Variants in STAU2 observed in about 807,000 individuals in gnomAD.
STAU2 encodes the protein double-stranded RNA-binding protein Staufen homolog 2.
A neutral mutation model predicts 65.9 loss-of-function variants in STAU2; 20 were observed. The observed-to-expected ratio is 0.30, with a 90% CI of 0.21 to 0.44. The LOEUF is 0.44. STAU2 is among the 20% of genes least tolerant of loss of function. The pLI is 1.00. For synonymous variants in STAU2, 232 were observed against 233.9 expected, an observed-to-expected ratio of 0.99 and a Z score of 0.07; for missense variants, 558 against 683.9, an observed-to-expected ratio of 0.82 and a Z score of 2.05.
chr8:73,565,556 C>T (rs1808541297), intron 12 of STAU2, among the ~76,000 whole-genome samples: 1 of 152,052 alleles, frequency 6.6e-6, no homozygotes, highest in Admixed American at 6.6e-5. Context: ...GTGAGCCCAC[C>T]ATATTTGTTA....
At chr8:73,738,735 A>G (rs1462041755) in intron 2 of STAU2, among the ~76,000 whole-genome samples, 2 of 152,278 alleles carry the variant, frequency 1.3e-5, no homozygotes, top group East Asian at 3.9e-4. Context: ...TGAGAGTTTC[A>G]GGTTAATATT....
intron 1 of STAU2, among the ~76,000 whole-genome samples, chr8:73,746,243 G>A (rs1439872141): frequency 6.6e-6 from 1 of 151,466 alleles, no homozygotes; most frequent in South Asian, 2.1e-4. Flanking sequence ...GGCGCGCCCC[G>A]GCCCCGCCGC....
At chr8:73,603,644 C>A in intron 10 of STAU2, 82 bp downstream of exon 10, 1 of 1,518,404 alleles carries the variant, frequency 6.6e-7, no homozygotes, top group Non-Finnish European at 8.8e-7. Flanking sequence ...GCTCTTAAGT[C>A]CTAGTTTGCC....
chr8:73,433,184 A>G (rs1027959365), intron 13 of STAU2, among the ~76,000 whole-genome samples: 3 of 151,942 alleles, frequency 2.0e-5, no homozygotes, highest in Non-Finnish European at 2.9e-5. Context: ...TTCCTTTTCA[A>G]ATTCCTGGGT....
At chr8:73,555,818 C>T (rs976037210) in intron 12 of STAU2, among the ~76,000 whole-genome samples, 8 of 152,088 alleles carry the variant, frequency 5.3e-5, no homozygotes, top group African/African-American at 1.2e-4. Flanking sequence ...CAATTCTTCA[C>T]GGATATCAAG....
At chr8:73,686,568 G>A (rs1174633055) in intron 5 of STAU2, among the ~76,000 whole-genome samples, 4 of 149,174 alleles carry the variant, frequency 2.7e-5, no homozygotes, top group African/African-American at 9.9e-5. Flanking sequence ...AAAAAACAAT[G>A]GATTTTGGGG....
At chr8:73,573,318 G>C (rs890053426) in intron 12 of STAU2, among the ~76,000 whole-genome samples, 16 of 152,114 alleles carry the variant, frequency 1.1e-4, no homozygotes, top group African/African-American at 2.9e-4. Context: ...GTGAAAATGG[G>C]CATACTGCCC....
At chr8:73,584,533 T>G (rs1247927100) in intron 11 of STAU2, among the ~76,000 whole-genome samples, 1 of 152,224 alleles carries the variant, frequency 6.6e-6, no homozygotes, top group Non-Finnish European at 1.5e-5. Context: ...GTTCCTGTAA[T>G]TACTCTAAGG....
At chr8:73,658,092 G>T (rs139197512) in intron 6 of STAU2, among the ~76,000 whole-genome samples, 1 of 149,298 alleles carries the variant, frequency 6.7e-6, no homozygotes, top group African/African-American at 2.5e-5. Flanking sequence ...GACTGGGCAC[G>T]GTGGCTCACG....
intron 13 of STAU2, among the ~76,000 whole-genome samples, chr8:73,518,169 T>A (rs1822843959): frequency 6.6e-6 from 1 of 152,250 alleles, no homozygotes; most frequent in Admixed American, 6.5e-5. Context: ...GACTTATTTA[T>A]TATTCCTTCA....
intron 13 of STAU2, chr8:73,550,163 T>C (rs1245022244): frequency 1.0e-6 from 1 of 985,206 alleles, no homozygotes; most frequent in Non-Finnish European, 1.2e-6. Flanking sequence ...TATTTTAAAA[T>C]CACCTGTTTA....
At chr8:73,630,204 C>G (rs1813984002) in intron 6 of STAU2, among the ~76,000 whole-genome samples, 1 of 152,192 alleles carries the variant, frequency 6.6e-6, no homozygotes, top group Admixed American at 6.5e-5. Context: ...TTTCAATTAC[C>G]TATGCTCTCC....
chr8:73,549,993 A>G (rs1406646489), intron 13 of STAU2: 2 of 985,632 alleles, frequency 2.0e-6, no homozygotes, highest in Non-Finnish European at 1.2e-6. Flanking sequence ...TTTAACCACA[A>G]AGAACCTTCT....
At chr8:73,684,441 C>T (rs1040148800) in intron 5 of STAU2, among the ~76,000 whole-genome samples, 1 of 152,160 alleles carries the variant, frequency 6.6e-6, no homozygotes, top group Non-Finnish European at 1.5e-5. Context: ...TCATCTCTCA[C>T]TTGATATAAA....
At chr8:73,564,909 CGTGT>C (rs796136065) in intron 12 of STAU2, among the ~76,000 whole-genome samples, 30 of 151,388 alleles carry the variant, frequency 2.0e-4, no homozygotes, top group African/African-American at 5.3e-4. Flanking sequence ...GTATGGGTGT[CGTGT>C]GTGTGTGTGT....
At chr8:73,567,171 C>T (rs2128952808) in intron 12 of STAU2, among the ~76,000 whole-genome samples, 1 of 152,156 alleles carries the variant, frequency 6.6e-6, no homozygotes, top group East Asian at 1.9e-4. Context: ...AAATACTGAG[C>T]ACCAACAATG....
At chr8:73,581,162 A>C (rs1809948544) in intron 12 of STAU2, among the ~76,000 whole-genome samples, 1 of 152,186 alleles carries the variant, frequency 6.6e-6, no homozygotes, top group East Asian at 1.9e-4. Flanking sequence ...AAACAAACAC[A>C]TAAAGCTAGG....
At chr8:73,492,175 T>G (rs1284861709) in intron 13 of STAU2, among the ~76,000 whole-genome samples, 1 of 151,932 alleles carries the variant, frequency 6.6e-6, no homozygotes, top group Non-Finnish European at 1.5e-5. Flanking sequence ...AGCATTTCTT[T>G]GTTACTGACT....
At chr8:73,593,884 C>T (rs200963574) in intron 11 of STAU2, among the ~76,000 whole-genome samples, 3 of 13,004 alleles carry the variant, frequency 2.3e-4, no homozygotes, top group African/African-American at 5.8e-4. Context: ...CACACATACA[C>T]ACACACACAC....
Sources: gnomAD v4.1 joint callset for allele counts (sites outside exome capture counted in the v4.1 genomes callset) on GRCh38, gnomAD v4.1.1 for gene constraint, MANE v1.5 for transcripts, NCBI Gene and HGNC (gene_info 2026-07-23, HGNC 2026-07-21) for gene names.